TBX20: variants seen among roughly 807,000 people sequenced by gnomAD.
The protein encoded by TBX20 is T-box transcription factor TBX20.
In TBX20, 8 loss-of-function variants were observed where a neutral mutation model predicts 42.9. The observed-to-expected ratio is 0.19, with a 90% CI of 0.11 to 0.34. The LOEUF is 0.34. TBX20 is among the 10% of genes least tolerant of loss of function. TBX20 has a pLI of 1.00. For synonymous variants in TBX20, 198 were observed against 222.8 expected, an observed-to-expected ratio of 0.89 and a Z score of 0.99; for missense variants, 411 against 566.0, an observed-to-expected ratio of 0.73 and a Z score of 2.78.
chr7:35,243,628 A>G (rs904446892), intron 4 of TBX20, among the ~76,000 whole-genome samples: 3 of 152,160 alleles, frequency 2.0e-5, no homozygotes, highest in Admixed American at 2.0e-4. Flanking sequence ...ATGATCACTG[A>G]CCTACAAAAA....
chr7:35,208,346 G>A (rs1361648331), intron 6 of TBX20, among the ~76,000 whole-genome samples: 1 of 152,124 alleles, frequency 6.6e-6, no homozygotes, highest in East Asian at 1.9e-4. Flanking sequence ...CACGATGCCT[G>A]TACACAAAGA....
At chr7:35,213,462 A>G (rs915757395) in intron 6 of TBX20, among the ~76,000 whole-genome samples, 2 of 152,196 alleles carry the variant, frequency 1.3e-5, no homozygotes, top group African/African-American at 4.8e-5. Flanking sequence ...ATAACTTTTG[A>G]ATTTTGGATG....
At chr7:35,210,835 T>TTG (rs1186496987) in intron 6 of TBX20, among the ~76,000 whole-genome samples, 1 of 152,204 alleles carries the variant, frequency 6.6e-6, no homozygotes, top group Non-Finnish European at 1.5e-5. Context: ...TACTTTTTAA[T>TTG]TCAAACTGAC....
intron 6 of TBX20, among the ~76,000 whole-genome samples, chr7:35,221,912 A>C (rs578249863): frequency 1.3e-5 from 2 of 152,306 alleles, no homozygotes; most frequent in East Asian, 3.9e-4. Context: ...AGGGCTAAAA[A>C]TCTGATTTTA....
intron 5 of TBX20, among the ~76,000 whole-genome samples, chr7:35,235,750 A>C (rs1322504971): frequency 2.0e-5 from 3 of 152,162 alleles, no homozygotes; most frequent in Non-Finnish European, 4.4e-5. Flanking sequence ...TATTATCTTT[A>C]AGTAAATGTG....
intron 1 of TBX20, among the ~76,000 whole-genome samples, chr7:35,251,936 T>C (rs1032658189): frequency 6.6e-6 from 1 of 152,176 alleles, no homozygotes; most frequent in Non-Finnish European, 1.5e-5. Context: ...GAGAGGGACA[T>C]GCATTTTATA....
chr7:35,239,970 G>A lies in TBX20; in HGVS notation c.813+909C>T, dbSNP rs1182442041. On this transcript the variant is annotated intron_variant, in intron 5 of 7. Coordinates refer to ENST00000408931, the MANE Select transcript of TBX20 (RefSeq NM_001077653.2). ...TCACCATGTTGGCCAGGCTGGTCTC[G>A]AACTCCTGACCTCAGGTGATCCACC... 3.3e-5 allele frequency among the ~76,000 whole-genome samples: 5 copies of A among 152,102 alleles called. No individual in the cohort carries two copies. In the South Asian group the frequency reaches 8.3e-4, roughly 25 times the overall value.
At chr7:35,246,673 A>C (rs993403733) in intron 3 of TBX20, among the ~76,000 whole-genome samples, 5 of 152,178 alleles carry the variant, frequency 3.3e-5, no homozygotes, top group African/African-American at 7.2e-5. Flanking sequence ...CTGACCAATG[A>C]ACTTCAGCCT....
rs372397195 is a variant in TBX20, at chr7:35,242,044, A to C, written c.655-1007T>G. ...TAGCAGAAAGCGGGACTCTCAGGAG[A>C]CATCTGACTATAAACAGCCTGGCAG... On this transcript the variant is annotated intron_variant, in intron 4 of 7. Transcript: ENST00000408931. 4.2e-4 allele frequency among the ~76,000 whole-genome samples: 63 copies of C among 150,674 alleles called. 2 individuals are homozygous for C. The South Asian group carries it at 0.013, about 32-fold the overall frequency.
At chr7:35,235,124 GATAAA>G (rs1789938939) in intron 5 of TBX20, among the ~76,000 whole-genome samples, 1 of 151,832 alleles carries the variant, frequency 6.6e-6, no homozygotes, top group South Asian at 2.1e-4. Context: ...TAAATTTTAA[GATAAA>G]ATAATTTTTA....
At chr7:35,234,381 T>TA (rs1789922605) in intron 5 of TBX20, among the ~76,000 whole-genome samples, 2 of 152,336 alleles carry the variant, frequency 1.3e-5, no homozygotes, top group South Asian at 4.1e-4. Flanking sequence ...AGTGCTCTAA[T>TA]ACCACAGAAA....
chr7:35,237,115 G>A (rs368187994), intron 5 of TBX20, among the ~76,000 whole-genome samples: 17 of 152,236 alleles, frequency 1.1e-4, no homozygotes, highest in Middle Eastern at 6.8e-3. Context: ...CAAAAACCTC[G>A]TACTGGTTCT....
Position 35,250,043 on chromosome 7 carries a change from T to G in TBX20, c.288A>C (p.Glu96Asp), listed in dbSNP as rs745512315. 1.2e-6 allele frequency: 2 copies of G among 1,613,826 alleles called. No homozygotes were observed. Among genetic ancestry groups the G allele is most frequent in the Non-Finnish European group, 1.7e-6 (2 of 1,179,914 alleles). Reference sequence around the variant, plus strand: ...CCAGGCTGCAGGCAATTTTGGCCATTTCCTCACTGGGGATGATGGGGGTGG... The same window carrying G: ...CCAGGCTGCAGGCAATTTTGGCCATGTCCTCACTGGGGATGATGGGGGTGG... ...IPTTPIIPSE[E>D]MAKIACSLET... is the part of the protein sequence containing the mutation. Residue 96 changes from glutamate (E) to aspartate (D), a missense_variant, in exon 2 of 8, where the codon GAA (glutamate) becomes GAC (aspartate). This residue lies in a region of TBX20 where 114 missense variants were observed against 128.0 expected (regional missense o/e 0.89). Transcript: ENST00000408931.
chr7:35,225,238 A>C (rs1789749233), intron 6 of TBX20, among the ~76,000 whole-genome samples: 1 of 152,174 alleles, frequency 6.6e-6, no homozygotes, highest in Non-Finnish European at 1.5e-5. Context: ...ATCTCCAAAA[A>C]TCTCTCTAGT....
At chr7:35,235,674 C>T (rs552350683) in intron 5 of TBX20, among the ~76,000 whole-genome samples, 19 of 152,230 alleles carry the variant, frequency 1.2e-4, no homozygotes, top group Middle Eastern at 3.4e-3. Context: ...CCTGCTTTTT[C>T]GTGTATTTAA....
chr7:35,211,488 T>C (rs1431988878), intron 6 of TBX20, among the ~76,000 whole-genome samples: 3 of 152,150 alleles, frequency 2.0e-5, no homozygotes, highest in African/African-American at 7.2e-5. Context: ...TTGAAAGATA[T>C]TTTTGCTGGG....
Position 35,253,751 on chromosome 7 carries a change from G to C in TBX20, c.-131C>G, listed in dbSNP as rs1323956812. 3.3e-6 allele frequency: 4 copies of C among 1,211,428 alleles called. No homozygotes were observed. The highest frequency in any genetic ancestry group is 2.4e-5 in the East Asian group (1 of 41,354). 75.0% of individuals were successfully genotyped at this position (1,211,428 alleles called of 1,614,324 possible). ...AGTCACAGCGGGGCCAGGGACTCCAGAAGTGTCAGCTCCAACGACTCCAGA... is the reference window on the plus strand; with the variant it reads ...AGTCACAGCGGGGCCAGGGACTCCACAAGTGTCAGCTCCAACGACTCCAGA... On this transcript the variant is annotated 5_prime_UTR_variant, in exon 1 of 8. Coordinates refer to ENST00000408931, the MANE Select transcript of TBX20 (RefSeq NM_001077653.2).
chr7:35,220,056 C>G (rs914399827), intron 6 of TBX20, among the ~76,000 whole-genome samples: 1 of 152,132 alleles, frequency 6.6e-6, no homozygotes, highest in Non-Finnish European at 1.5e-5. Context: ...AAGAGAAACT[C>G]AAGAAATGAG....
chr7:35,248,911 G>C (rs1584359344), intron 2 of TBX20, 70 bp from the exon 3 acceptor site: 7 of 1,590,978 alleles, frequency 4.4e-6, no homozygotes, highest in South Asian at 1.1e-5. Flanking sequence ...ATTAGGAAGA[G>C]AGGAAGGGAG....
Sources: gnomAD v4.1 joint callset for allele counts (sites outside exome capture counted in the v4.1 genomes callset) on GRCh38, gnomAD v4.1.1 for gene constraint, gnomAD v4.1.1 regional missense constraint, MANE v1.5 for transcripts, NCBI Gene and HGNC (gene_info 2026-07-23, HGNC 2026-07-21) for gene names.